CHRM5: variants seen among roughly 807,000 people sequenced by gnomAD.
CHRM5 encodes the protein cholinergic receptor muscarinic 5.
A neutral mutation model predicts 39.0 loss-of-function variants in CHRM5; 18 were observed. The observed-to-expected ratio is 0.46, with a 90% CI of 0.32 to 0.68. CHRM5 has a LOEUF of 0.68. CHRM5 is among the 30% of genes least tolerant of loss of function. The pLI, the probability that CHRM5 is intolerant of heterozygous loss-of-function variation, is 0.04. For missense variants in CHRM5, 515 were observed against 651.1 expected (o/e 0.79, Z 2.28); for synonymous variants, 241 against 246.3 (o/e 0.98, Z 0.20).
intron 2 of CHRM5, among the ~76,000 whole-genome samples, chr15:34,058,680 G>C (rs527266626): frequency 2.0e-5 from 3 of 151,472 alleles, no homozygotes; most frequent in Non-Finnish European, 2.9e-5. Context: ...CTTTGCTTCT[G>C]CTTTCTTCAG....
At position 33,973,182 on chromosome 15, in the gene CHRM5, G is replaced by A. The variant is rs529065703; in HGVS notation, c.-408+4032G>A. On this transcript the variant is annotated intron_variant, in intron 1 of 2. Coordinates refer to ENST00000383263, the MANE Select transcript of CHRM5 (RefSeq NM_012125.4). ...CACACTGTTGTCATCATCAGACTAC[G>A]TGGGCCTTCTTATTTCCTGATTATC... Among the ~76,000 whole-genome samples the A allele has an allele frequency of 4.6e-5, 7 of 152,276 alleles. No homozygotes were observed. The East Asian group carries it at 5.8e-4, about 13-fold the overall frequency.
At chr15:33,973,548 T>G (rs567808548) in intron 1 of CHRM5, among the ~76,000 whole-genome samples, 1 of 152,138 alleles carries the variant, frequency 6.6e-6, no homozygotes, top group African/African-American at 2.4e-5. Context: ...CCTTGTTAGA[T>G]TCCATTGAAA....
chr15:33,993,764 C>T (rs946066384), intron 1 of CHRM5, among the ~76,000 whole-genome samples: 4 of 152,098 alleles, frequency 2.6e-5, no homozygotes, highest in African/African-American at 7.2e-5. Context: ...TAGAGGTGAC[C>T]GCAATCATGA....
intron 1 of CHRM5, among the ~76,000 whole-genome samples, chr15:33,985,316 T>C (rs1338295496): frequency 3.3e-5 from 3 of 91,126 alleles, no homozygotes; most frequent in African/African-American, 1.4e-4. Flanking sequence ...AGAGTGGTAA[T>C]TCAAAGAGTC....
intron 1 of CHRM5, among the ~76,000 whole-genome samples, chr15:34,034,015 G>A (rs1293804360): frequency 6.6e-6 from 1 of 152,146 alleles, no homozygotes; most frequent in Non-Finnish European, 1.5e-5. Context: ...TCAATCTCTT[G>A]ACCTTGTGAT....
chr15:33,992,231 T>C (rs912343344), intron 1 of CHRM5, among the ~76,000 whole-genome samples: 2 of 152,062 alleles, frequency 1.3e-5, no homozygotes, highest in South Asian at 2.1e-4. Context: ...ACTAAAAAAA[T>C]ACAAAACAGT....
chr15:34,007,866 C>T (rs1426641887), intron 1 of CHRM5, among the ~76,000 whole-genome samples: 1 of 152,140 alleles, frequency 6.6e-6, no homozygotes, highest in African/African-American at 2.4e-5. Flanking sequence ...TTGCTGGCAA[C>T]CTTAGCATTC....
chr15:33,994,258 T>A (rs1033069183), intron 1 of CHRM5, among the ~76,000 whole-genome samples: 2 of 152,210 alleles, frequency 1.3e-5, no homozygotes. Flanking sequence ...AGCCAAACCC[T>A]ATTGTGAACT....
chr15:34,044,321 G>A (rs1429525042), intron 1 of CHRM5, among the ~76,000 whole-genome samples: 2 of 152,078 alleles, frequency 1.3e-5, no homozygotes, highest in Non-Finnish European at 2.9e-5. Context: ...AAATCCAATG[G>A]TCAGGTCACT....
Position 34,064,230 on chromosome 15 carries a change from A to T in CHRM5, c.1513A>T (p.Thr505Ser). The change falls in exon 3 of 3, where the codon ACC becomes TCC. Residue 505 changes from threonine to serine, a missense_variant. Coordinates refer to ENST00000383263, the MANE Select transcript of CHRM5 (RefSeq NM_012125.4). ...YALCNRTFRKTFKMLLLCRWK... is the reference protein window; with the variant it reads ...YALCNRTFRKSFKMLLLCRWK... ...CCTCTGCAACAGAACCTTCAGGAAG[A>T]CCTTTAAGATGCTGCTTCTCTGCCG... 1.2e-6 allele frequency: 2 copies of T among 1,614,172 alleles called. No individual in the cohort carries two copies. The highest frequency in any genetic ancestry group is 1.7e-6 in the Non-Finnish European group (2 of 1,180,042).
intron 1 of CHRM5, among the ~76,000 whole-genome samples, chr15:34,021,587 G>A (rs1199635719): frequency 6.6e-6 from 1 of 152,162 alleles, no homozygotes; most frequent in Non-Finnish European, 1.5e-5. Context: ...GTGTAAGGTG[G>A]CTCATGCCTG....
intron 1 of CHRM5, among the ~76,000 whole-genome samples, chr15:34,034,564 T>C (rs78660221): frequency 0.059 from 9,049 of 152,294 alleles, 564 homozygotes; most frequent in East Asian, 0.33. Context: ...GATCCATTGA[T>C]AAAAATGTTA....
At chr15:33,969,772 G>C (rs1194453662) in intron 1 of CHRM5, among the ~76,000 whole-genome samples, 1 of 151,968 alleles carries the variant, frequency 6.6e-6, no homozygotes, top group Admixed American at 6.6e-5. Context: ...TCAACAAGAG[G>C]ATAAAAAGAT....
In CHRM5 at chr15:33,990,446, C is replaced by T. The variant is rs551527054; in HGVS notation, c.-408+21296C>T. On this transcript the variant is annotated intron_variant, in intron 1 of 2. Transcript: ENST00000383263. ...TTTGATGATGCAGCCAGTTGTCTAA[C>T]TGAAGAGTAACTGGAATATAAGTCA... 2.0e-5 allele frequency among the ~76,000 whole-genome samples: 3 copies of T among 152,104 alleles called. No homozygotes were observed. The South Asian group carries it at 6.2e-4, about 32-fold the overall frequency.
intron 2 of CHRM5, among the ~76,000 whole-genome samples, chr15:34,047,529 C>T (rs1899754551): frequency 6.6e-6 from 1 of 152,146 alleles, no homozygotes; most frequent in African/African-American, 2.4e-5. Context: ...AGATAAGACC[C>T]ACTGACTTGG....
In CHRM5 at chr15:34,067,265, T is replaced by C. The variant is rs1020455919; in HGVS notation, c.*2949T>C. On this transcript the variant is annotated 3_prime_UTR_variant, in exon 3 of 3. Coordinates refer to ENST00000383263, the MANE Select transcript of CHRM5 (RefSeq NM_012125.4). ...TCAATATTCTCAGCTTTTGCTTCGC[T>C]CCTTTGGTGAATGTCCTTTGAAGAC... is the stretch of plus-strand genomic sequence containing the variant. 6.6e-6 allele frequency: 1 copy of C among 152,262 alleles called. No individual in the cohort carries two copies. Among genetic ancestry groups the C allele is most frequent in the Non-Finnish European group, 1.5e-5 (1 of 68,044 alleles). 9.4% of individuals were successfully genotyped at this position (152,262 alleles called of 1,614,324 possible).
intron 1 of CHRM5, among the ~76,000 whole-genome samples, chr15:34,008,559 G>A (rs1316846763): frequency 2.7e-5 from 4 of 146,730 alleles, no homozygotes; most frequent in Non-Finnish European, 4.4e-5. Context: ...CACAATCTCG[G>A]CTCGCTGCAA....
intron 1 of CHRM5, among the ~76,000 whole-genome samples, chr15:33,996,224 C>A (rs1896925758): frequency 6.6e-6 from 1 of 152,240 alleles, no homozygotes; most frequent in African/African-American, 2.4e-5. Flanking sequence ...AGGCCTGCTG[C>A]CTCTGTAGAC....
intron 1 of CHRM5, among the ~76,000 whole-genome samples, chr15:33,990,460 G>A (rs565078323): frequency 2.1e-4 from 32 of 152,270 alleles, no homozygotes; most frequent in Non-Finnish European, 4.3e-4. Context: ...AGAGTAACTG[G>A]AATATAAGTC....
Sources: gnomAD v4.1 joint callset for allele counts (sites outside exome capture counted in the v4.1 genomes callset) on GRCh38, gnomAD v4.1.1 for gene constraint, MANE v1.5 for transcripts, NCBI Gene and HGNC (gene_info 2026-07-23, HGNC 2026-07-21) for gene names.